The following FOXO1 variants were observed in gnomAD, a reference collection of about 807,000 sequenced individuals.
The protein encoded by FOXO1 is forkhead box O1.
FOXO1 carries 6 observed loss-of-function variants against 44.1 expected under a neutral mutation model. The observed-to-expected ratio is 0.14, with a 90% CI of 0.07 to 0.27. The LOEUF is 0.27. FOXO1 is among the 10% of genes least tolerant of loss of function. The probability of loss-of-function intolerance (pLI) is 1.00; values close to 1 mark genes in which losing one functional copy is unlikely to be tolerated. For missense variants in FOXO1, 737 were observed against 888.8 expected, an observed-to-expected ratio of 0.83 and a Z score of 2.17; for synonymous variants, 380 against 362.7, an observed-to-expected ratio of 1.05 and a Z score of -0.54.
chr13:40,608,453 G>A (rs1241186827), intron 1 of FOXO1, among the ~76,000 whole-genome samples: 1 of 152,156 alleles, frequency 6.6e-6, no homozygotes, highest in Admixed American at 6.5e-5. Flanking sequence ...TCTCATACAT[G>A]TGAGCAAGAA....
At chr13:40,613,097 A>G (rs936201081) in intron 1 of FOXO1, among the ~76,000 whole-genome samples, 1 of 152,182 alleles carries the variant, frequency 6.6e-6, no homozygotes, top group African/African-American at 2.4e-5. Context: ...CAGTATTTGA[A>G]CCTTGAAATC....
chr13:40,655,387 A>G (rs1386639407), intron 1 of FOXO1, among the ~76,000 whole-genome samples: 2 of 150,786 alleles, frequency 1.3e-5, no homozygotes, highest in Non-Finnish European at 2.9e-5. Flanking sequence ...GGCCAGTTCC[A>G]TATTGTTTCC....
chr13:40,638,215 C>T (rs1454776741), intron 1 of FOXO1, among the ~76,000 whole-genome samples: 1 of 152,106 alleles, frequency 6.6e-6, no homozygotes, highest in African/African-American at 2.4e-5. Context: ...AGCAGTGAAC[C>T]AGATCATTTA....
At chr13:40,603,035 A>G (rs1038288645) in intron 1 of FOXO1, among the ~76,000 whole-genome samples, 1 of 152,170 alleles carries the variant, frequency 6.6e-6, no homozygotes, top group African/African-American at 2.4e-5. Flanking sequence ...CTCCACAACT[A>G]GGCCACTAAT....
At chr13:40,627,994 G>A (rs1354469288) in intron 1 of FOXO1, among the ~76,000 whole-genome samples, 2 of 152,084 alleles carry the variant, frequency 1.3e-5, no homozygotes, top group East Asian at 3.9e-4. Context: ...GTTGGCAGGG[G>A]AACCGTGTGT....
At chr13:40,572,425 A>G (rs1291935034) in intron 1 of FOXO1, among the ~76,000 whole-genome samples, 1 of 152,054 alleles carries the variant, frequency 6.6e-6, no homozygotes, top group African/African-American at 2.4e-5. Flanking sequence ...TTTGGGACCT[A>G]GATATGATAA....
chr13:40,636,307 C>T (rs540447070), intron 1 of FOXO1, among the ~76,000 whole-genome samples: 1 of 152,222 alleles, frequency 6.6e-6, no homozygotes, highest in South Asian at 2.1e-4. Flanking sequence ...GGTCCTCTAC[C>T]TCTCTGGGTC....
chr13:40,620,319 G>A, intron 1 of FOXO1: 2 of 882,732 alleles, frequency 2.3e-6, no homozygotes, highest in Admixed American at 1.8e-5. Context: ...AGAACATACA[G>A]TCACTATTCA....
Position 40,560,274 on chromosome 13 carries a change from G to A in FOXO1, c.1217C>T (p.Ser406Leu), listed in dbSNP as rs1310591117. 9.9e-6 allele frequency: 16 copies of A among 1,614,066 alleles called. No individual in the cohort carries two copies. Among genetic ancestry groups the A allele is most frequent in the African/African-American group, 5.3e-5 (4 of 74,930 alleles). The change falls in exon 2 of 3, where the codon TCG becomes TTG. Residue 406 changes from serine to leucine, a missense_variant. Ser to Leu is a moderately radical substitution (Grantham distance 145, BLOSUM62 -2). This residue lies in a region of FOXO1 where 283 missense variants were observed against 278.1 expected (regional missense o/e 1.02). Coordinates refer to ENST00000379561, the MANE Select transcript of FOXO1 (RefSeq NM_002015.4). The surrounding 1 kb of genome is among the most constrained non-coding windows in gnomAD (Gnocchi z 5.1). The part of the protein sequence containing the change: ...GTMMQQTPCY[S>L]FAPPNTSLNS... ...CAAACTGGTGTTTGGTGGCGCAAACGAGTAGCACGGCGTCTGCTGCATCAT... is the reference window on the plus strand; with the variant it reads ...CAAACTGGTGTTTGGTGGCGCAAACAAGTAGCACGGCGTCTGCTGCATCAT...
chr13:40,590,344 C>T (rs1875322373), intron 1 of FOXO1, among the ~76,000 whole-genome samples: 1 of 152,178 alleles, frequency 6.6e-6, no homozygotes, highest in South Asian at 2.1e-4. Context: ...ATGCCGCAAA[C>T]AGAAACCTTC....
intron 1 of FOXO1, chr13:40,621,154 A>G (rs558128055): frequency 1.0e-5 from 5 of 486,726 alleles, no homozygotes; most frequent in African/African-American, 2.1e-5. Flanking sequence ...GCGCTAGAGC[A>G]TAACAGTATT....
intron 1 of FOXO1, among the ~76,000 whole-genome samples, chr13:40,597,479 T>C (rs908788284): frequency 1.3e-5 from 2 of 152,208 alleles, no homozygotes; most frequent in African/African-American, 4.8e-5. Flanking sequence ...CAGTCCGAGC[T>C]GCATCCCTAA....
intron 1 of FOXO1, among the ~76,000 whole-genome samples, chr13:40,580,603 T>G (rs935059437): frequency 6.6e-6 from 1 of 152,164 alleles, no homozygotes; most frequent in Non-Finnish European, 1.5e-5. Flanking sequence ...AAATATTAGA[T>G]ATTATGGGCA....
At chr13:40,641,229 C>T (rs1447225169) in intron 1 of FOXO1, among the ~76,000 whole-genome samples, 1 of 152,120 alleles carries the variant, frequency 6.6e-6, no homozygotes, top group Non-Finnish European at 1.5e-5. Flanking sequence ...TAAATAGAGC[C>T]TTCCTATCCA....
chr13:40,619,900 A>G, intron 1 of FOXO1: 1 of 704,514 alleles, frequency 1.4e-6, no homozygotes, highest in Non-Finnish European at 2.6e-6. Context: ...AAATGGGGCT[A>G]GATATAATGT....
At position 40,586,127 on chromosome 13, in the gene FOXO1, A is replaced by C. The variant is rs187738016; in HGVS notation, c.631-25267T>G. ...AGGCTAAAACTCTGGATCACAATCC[A>C]TAAAATAGTGAAACCAATTGAGAGG... On this transcript the variant is annotated intron_variant, in intron 1 of 2. Transcript: ENST00000379561. 2.0e-5 allele frequency among the ~76,000 whole-genome samples: 3 copies of C among 152,376 alleles called. No individual in the cohort carries two copies. In the East Asian group the frequency reaches 5.8e-4, roughly 29 times the overall value.
intron 1 of FOXO1, among the ~76,000 whole-genome samples, chr13:40,575,377 C>G (rs1338889532): frequency 6.6e-6 from 1 of 152,058 alleles, no homozygotes; most frequent in Non-Finnish European, 1.5e-5. Context: ...CTGAACATGT[C>G]CAGTTCATCC....
At position 40,610,336 on chromosome 13, in the gene FOXO1, A is replaced by T. The variant is rs1369299215; in HGVS notation, c.631-49476T>A. ...CTATTTGGCACCATCTAAAACCAGC[A>T]AGCAATAATTGTACAACAAGGGGGT... On this transcript the variant is annotated intron_variant, in intron 1 of 2. Transcript: ENST00000379561. Among the ~76,000 whole-genome samples, 3 of 152,208 alleles carry T rather than the reference A, an allele frequency of 2.0e-5. No homozygotes were observed. The East Asian group carries it at 5.8e-4, about 29-fold the overall frequency.
chr13:40,596,942 G>A (rs894451518), intron 1 of FOXO1, among the ~76,000 whole-genome samples: 1 of 152,132 alleles, frequency 6.6e-6, no homozygotes, highest in Non-Finnish European at 1.5e-5. Flanking sequence ...TCAAAAGACA[G>A]CAAGGTACCC....
Sources: gnomAD v4.1 joint callset for allele counts (sites outside exome capture counted in the v4.1 genomes callset) on GRCh38, gnomAD v4.1.1 for gene constraint, gnomAD v4.1.1 regional missense constraint, Gnocchi (gnomAD v3.1) non-coding constraint, MANE v1.5 for transcripts, NCBI Gene and HGNC (gene_info 2026-07-23, HGNC 2026-07-21) for gene names.